ANKRD26: variants seen among roughly 807,000 people sequenced by gnomAD.
The protein encoded by ANKRD26 is ankyrin repeat domain-containing protein 26.
A neutral mutation model predicts 208.7 loss-of-function variants in ANKRD26; 141 were observed. That is an observed-to-expected ratio of 0.68 (90% CI 0.59 to 0.78). The LOEUF is 0.78. ANKRD26 is among the 30% of genes least tolerant of loss of function. ANKRD26 has a pLI of 0.00. For missense variants in ANKRD26, 1,889 were observed against 1,938.7 expected, an observed-to-expected ratio of 0.97 and a Z score of 0.48; for synonymous variants, 636 against 660.4, an observed-to-expected ratio of 0.96 and a Z score of 0.57.
the ANKRD26 span, among the ~76,000 whole-genome samples, chr10:26,960,570 A>G: frequency 1.3e-5 from 2 of 152,240 alleles, no homozygotes; most frequent in Non-Finnish European, 1.5e-5. Context: ...ATCCTGACAT[A>G]TGATGAAATA....
chr10:27,025,515 C>T (rs7088171), intron 27 of ANKRD26, among the ~76,000 whole-genome samples: 30,391 of 151,972 alleles, frequency 0.2, 3,640 homozygotes, highest in East Asian at 0.56. Context: ...AGATCTACTT[C>T]TTCATCACTT....
the ANKRD26 span, among the ~76,000 whole-genome samples, chr10:26,966,946 T>C: frequency 1.3e-5 from 2 of 152,176 alleles, no homozygotes; most frequent in East Asian, 1.9e-4. Flanking sequence ...CTTTCTTGCT[T>C]TTTTACTTAC....
chr10:27,047,138 A>T (rs1379167130), intron 17 of ANKRD26, among the ~76,000 whole-genome samples: 1 of 152,244 alleles, frequency 6.6e-6, no homozygotes, highest in Non-Finnish European at 1.5e-5. Context: ...GTTTTTAAAC[A>T]TCATAATGTT....
rs756849715 is a variant in ANKRD26 at position 27,037,933 on chromosome 10, G to A, written c.2497C>T (p.Leu833Phe). ...TCCAGTGTTTGGAGACTCAGTTCAA[G>A]CTGTTGTTTCACTTCAACTTCTTTC... Reference protein sequence around the residue: ...YRKEVEVKQQLELSLQTLEME... With the variant: ...YRKEVEVKQQFELSLQTLEME... The change falls in exon 22 of 34, where the codon CTT becomes TTT. Residue 833 changes from leucine to phenylalanine, a missense_variant. By Grantham distance (22) the Leu-to-Phe change is conservative. Around this residue, in one of 3 missense-constraint regions of ANKRD26, gnomAD observed 1,272 missense variants for 1,273.8 expected, o/e 1.00. Coordinates refer to ENST00000376087, the MANE Select transcript of ANKRD26 (RefSeq NM_014915.3). 5 of 1,613,366 alleles carry A rather than the reference G, an allele frequency of 3.1e-6. No homozygotes were observed. In the East Asian group the frequency reaches 1.1e-4, roughly 36 times the overall value.
intron 18 of ANKRD26, among the ~76,000 whole-genome samples, chr10:27,044,520 G>GTT (rs764984446): frequency 7.0e-6 from 1 of 143,760 alleles, no homozygotes; most frequent in African/African-American, 2.5e-5. Flanking sequence ...AATATACCAG[G>GTT]TTTTTTTTTT....
rs117029178 is a variant in ANKRD26 at position 27,026,250 on chromosome 10, C to T, written c.3973-1691G>A. 8.3e-3 allele frequency among the ~76,000 whole-genome samples: 1,256 copies of T among 152,242 alleles called. 20 individuals carry two copies. The highest frequency in any genetic ancestry group is 0.061 in the Middle Eastern group (18 of 294). Reference sequence around the variant, plus strand: ...GTGACTAATAATTATATGCCATATTCCTAACTCATTTCTATGGGAATCTAC... The same window carrying T: ...GTGACTAATAATTATATGCCATATTTCTAACTCATTTCTATGGGAATCTAC... On this transcript the variant is annotated intron_variant, in intron 27 of 33. Coordinates refer to ENST00000376087, the MANE Select transcript of ANKRD26 (RefSeq NM_014915.3).
At chr10:26,992,052 A>G (rs565156655) in intron 5 of ANKRD26, 6 of 152,226 alleles carry the variant, frequency 3.9e-5, no homozygotes, top group Non-Finnish European at 7.3e-5. Flanking sequence ...GAAATTCCAC[A>G]TAACTGTTTT....
intron 29 of ANKRD26, among the ~76,000 whole-genome samples, chr10:27,021,388 T>C (rs920879527): frequency 6.6e-6 from 1 of 152,252 alleles, no homozygotes; most frequent in Non-Finnish European, 1.5e-5. Flanking sequence ...ATGGCTGTAC[T>C]ACTTTACATT....
intron 32 of ANKRD26, among the ~76,000 whole-genome samples, chr10:27,011,168 G>A (rs893016008): frequency 7.9e-5 from 12 of 152,074 alleles, no homozygotes; most frequent in South Asian, 2.1e-4. Flanking sequence ...TTAAGCTAAC[G>A]TGCACTGATT....
chr10:27,051,646 A>G (rs2054663397), intron 16 of ANKRD26: 1 of 985,304 alleles, frequency 1.0e-6, no homozygotes, highest in Non-Finnish European at 1.2e-6. Flanking sequence ...GATGACTGGC[A>G]AGCATATTCT....
chr10:27,064,866 T>A (rs1001788445), intron 11 of ANKRD26, among the ~76,000 whole-genome samples: 1 of 152,144 alleles, frequency 6.6e-6, no homozygotes, highest in African/African-American at 2.4e-5. Context: ...AATAGAAGAA[T>A]AAGAACATTT....
intron 31 of ANKRD26, 100 bp downstream of exon 31, chr10:27,014,394 T>C: frequency 1.1e-6 from 1 of 903,346 alleles, no homozygotes; most frequent in East Asian, 2.6e-5. Context: ...ATTACCTATT[T>C]AGCTTTCACT....
chr10:27,009,070 A>T (rs192146875), intron 32 of ANKRD26, among the ~76,000 whole-genome samples: 356 of 152,212 alleles, frequency 2.3e-3, no homozygotes, highest in African/African-American at 8.0e-3. Context: ...CAAACTCCTG[A>T]CCTCGTGATC....
intron 4 of ANKRD26, among the ~76,000 whole-genome samples, chr10:26,981,481 G>A (rs11498427): frequency 0.098 from 14,938 of 152,108 alleles, 2,384 homozygotes; most frequent in African/African-American, 0.34. Flanking sequence ...ACTTATTTGC[G>A]CAGTAGGGCT....
Position 27,056,422 on chromosome 10 carries a change from C to A in ANKRD26, c.1565-3032G>T, listed in dbSNP as rs534653091. On this transcript the variant is annotated intron_variant, in intron 15 of 33. Coordinates refer to ENST00000376087, the MANE Select transcript of ANKRD26 (RefSeq NM_014915.3). The stretch of plus-strand genomic sequence containing the variant: ...TGAACTCCTGACCTCAGATGATCCA[C>A]CCGCCTTGGCCTCCCAAAGTGCTGG... 9.5e-4 allele frequency among the ~76,000 whole-genome samples: 144 copies of A among 152,068 alleles called. 2 individuals carry two copies. The South Asian group carries it at 0.028, about 30-fold the overall frequency.
chr10:27,002,750 T>C (rs897503513), downstream of ANKRD26, among the ~76,000 whole-genome samples: 1 of 152,218 alleles, frequency 6.6e-6, no homozygotes, highest in African/African-American at 2.4e-5. Flanking sequence ...CCTGCCATAT[T>C]TGTGACTATT....
chr10:27,058,123 T>G (rs2054907317), intron 15 of ANKRD26, among the ~76,000 whole-genome samples: 1 of 152,104 alleles, frequency 6.6e-6, no homozygotes, highest in South Asian at 2.1e-4. Context: ...ATTTAAACAT[T>G]TTAAGACAAG....
chr10:27,005,535 T>C lies in ANKRD26; in HGVS notation c.*55A>G, dbSNP rs2134785925. ...AATATTTTTACATGTCATATATTAATATTTAATGAGAAACAAAATGTCACA... is the reference window on the plus strand; with the variant it reads ...AATATTTTTACATGTCATATATTAACATTTAATGAGAAACAAAATGTCACA... On this transcript the variant is annotated 3_prime_UTR_variant, in exon 34 of 34. Transcript: ENST00000376087. 1 of 1,580,912 alleles carries C rather than the reference T, an allele frequency of 6.3e-7. No individual in the cohort carries two copies. The highest frequency in any genetic ancestry group is 8.6e-7 in the Non-Finnish European group (1 of 1,156,212).
chr10:27,092,598 T>C (rs1381561343), intron 3 of ANKRD26, 86 bp from the exon 4 acceptor site: 1 of 980,670 alleles, frequency 1.0e-6, no homozygotes, highest in Admixed American at 2.1e-5. Flanking sequence ...TCCTTTGAAC[T>C]GAAACATATA....
Sources: gnomAD v4.1 joint callset for allele counts (sites outside exome capture counted in the v4.1 genomes callset) on GRCh38, gnomAD v4.1.1 for gene constraint, gnomAD v4.1.1 regional missense constraint, MANE v1.5 for transcripts, NCBI Gene and HGNC (gene_info 2026-07-23, HGNC 2026-07-21) for gene names.